ZBBX: variants seen among roughly 807,000 people sequenced by gnomAD.
ZBBX encodes the protein zinc finger B-box domain containing.
In ZBBX, 101 loss-of-function variants were observed where a neutral mutation model predicts 108.5. That is an observed-to-expected ratio of 0.93 (90% confidence interval 0.79 to 1.10). The LOEUF (loss-of-function observed/expected upper bound fraction) is 1.10, where lower values mean the gene tolerates loss of function less well. Among genes scored for constraint, ZBBX ranks in the 50% least tolerant of loss-of-function variants. The pLI is 0.00. For missense variants in ZBBX, 1,009 were observed against 941.4 expected (o/e 1.07, Z -0.94); for synonymous variants, 356 against 323.4 (o/e 1.10, Z -1.08).
At chr3:167,394,015 T>C (rs1423908528) in intron 1 of ZBBX, among the ~76,000 whole-genome samples, 3 of 151,964 alleles carry the variant, frequency 2.0e-5, no homozygotes, top group Non-Finnish European at 4.4e-5. Flanking sequence ...AGAATATATA[T>C]TTTATCCAGA....
chr3:167,197,270 G>A, the ZBBX span, among the ~76,000 whole-genome samples: 2 of 151,974 alleles, frequency 1.3e-5, no homozygotes, highest in Non-Finnish European at 2.9e-5. Flanking sequence ...TGGGCACGGT[G>A]GCTCACGCCT....
chr3:167,348,805 T>C (rs1364366210), intron 9 of ZBBX, among the ~76,000 whole-genome samples: 2 of 152,114 alleles, frequency 1.3e-5, no homozygotes, highest in African/African-American at 4.8e-5. Context: ...CCAATCTACA[T>C]TTGGAATTTT....
At chr3:167,275,707 T>C (rs58787554) in intron 20 of ZBBX, among the ~76,000 whole-genome samples, 60,174 of 151,822 alleles carry the variant, frequency 0.4, 12,504 homozygotes, top group East Asian at 0.73. Context: ...GGGGGAGGGG[T>C]GCCCGCCATT....
intron 1 of ZBBX, among the ~76,000 whole-genome samples, chr3:167,391,903 T>C: frequency 6.6e-6 from 1 of 151,946 alleles, no homozygotes; most frequent in East Asian, 1.9e-4. Context: ...GACTTATCTA[T>C]ATCTACAATC....
Position 167,240,853 on chromosome 3 carries a change from C to T in ZBBX, c.2460G>A (p.Glu820=). ...GTTGCTTGTTGAGAAAATCTTCCTC[C>T]TCCTCATCTGTACTGCTCTCAGAAA... The part of the protein sequence containing the change: ...LSLSESSTDE[E]EEDFLNKQHV... The change falls in exon 22 of 22, where the codon GAG becomes GAA. Residue 820 remains glutamate, a synonymous_variant. Coordinates refer to ENST00000675490, the MANE Select transcript of ZBBX (RefSeq NM_001199201.2). 6.2e-7 allele frequency: 1 copy of T among 1,613,638 alleles called. No homozygotes were observed. The highest frequency in any genetic ancestry group is 8.5e-7 in the Non-Finnish European group (1 of 1,179,634).
intron 20 of ZBBX, among the ~76,000 whole-genome samples, chr3:167,250,708 A>C (rs529576946): frequency 1.3e-5 from 2 of 152,090 alleles, no homozygotes; most frequent in Non-Finnish European, 2.9e-5. Flanking sequence ...GTCACAGTCC[A>C]TATTCTAAAG....
chr3:167,325,116 T>C (rs889863861), intron 11 of ZBBX, among the ~76,000 whole-genome samples: 1 of 152,176 alleles, frequency 6.6e-6, no homozygotes, highest in Non-Finnish European at 1.5e-5. Context: ...AATCTAACAC[T>C]GTTAAATGTC....
the ZBBX span, among the ~76,000 whole-genome samples, chr3:167,209,491 A>G: frequency 6.6e-6 from 1 of 152,184 alleles, no homozygotes; most frequent in East Asian, 1.9e-4. Context: ...CCACCAAGGC[A>G]GTACCTCTAT....
chr3:167,240,619 G>T lies in ZBBX; in HGVS notation c.*174C>A. ...GTGGTTGACATATAATATATCATTG[G>T]AAGAATAAGCCCTTGAACTTATAAT... On this transcript the variant is annotated 3_prime_UTR_variant, in exon 22 of 22. Coordinates refer to ENST00000675490, the MANE Select transcript of ZBBX (RefSeq NM_001199201.2). 2 of 591,554 alleles carry T rather than the reference G, an allele frequency of 3.4e-6. No homozygotes were observed. The highest frequency in any genetic ancestry group is 2.8e-6 in the Non-Finnish European group (1 of 357,272). The allele number at this position is 591,554 out of a possible 1,614,324, so 36.6% of individuals were successfully genotyped here. A position where few individuals can be genotyped will look rare whatever the true frequency, so the allele number is the denominator to read the frequency against.
At chr3:167,404,805 T>C (rs1287929106) in intron 1 of ZBBX, among the ~76,000 whole-genome samples, 1 of 152,194 alleles carries the variant, frequency 6.6e-6, no homozygotes, top group Non-Finnish European at 1.5e-5. Flanking sequence ...TCTGGTGGCA[T>C]TGTCAAAAAG....
At chr3:167,393,586 G>A (rs115166729) in intron 1 of ZBBX, among the ~76,000 whole-genome samples, 2,868 of 151,840 alleles carry the variant, frequency 0.019, 99 homozygotes, top group African/African-American at 0.066. Context: ...TTTTCTTCAC[G>A]TACTTGTGAT....
At chr3:167,247,668 G>A (rs1243315394) in intron 20 of ZBBX, among the ~76,000 whole-genome samples, 1 of 152,178 alleles carries the variant, frequency 6.6e-6, no homozygotes, top group East Asian at 1.9e-4. Context: ...CTGTCGTTAA[G>A]TGTCTATCTG....
intron 20 of ZBBX, among the ~76,000 whole-genome samples, chr3:167,267,323 G>A (rs1725700372): frequency 6.6e-6 from 1 of 152,162 alleles, no homozygotes; most frequent in Non-Finnish European, 1.5e-5. Flanking sequence ...TAAAGGATAG[G>A]CAAGAGATTC....
At chr3:167,372,804 C>T in intron 4 of ZBBX, 30 bp downstream of exon 4, 2 of 1,153,764 alleles carry the variant, frequency 1.7e-6, no homozygotes, top group Non-Finnish European at 2.5e-6. Flanking sequence ...GCAACTATTC[C>T]TATTAAGAAA....
chr3:167,317,177 G>T lies in ZBBX; in HGVS notation c.1094-72C>A, dbSNP rs1447390869. On this transcript the variant is annotated intron_variant, in intron 13 of 21. Transcript: ENST00000675490. ...CTTTATAATTTCTTCAAATAAGATAGCCACCAAAAAAGAAGAGTGTTCTCA... is the reference window on the plus strand; with the variant it reads ...CTTTATAATTTCTTCAAATAAGATATCCACCAAAAAAGAAGAGTGTTCTCA... The T allele has an allele frequency of 4.8e-6, 5 of 1,048,930 alleles. No individual in the cohort carries two copies. In the African/African-American group the frequency reaches 4.9e-5, roughly 10 times the overall value. The allele number at this position is 1,048,930 out of a possible 1,614,324, so 65.0% of individuals were successfully genotyped here.
chr3:167,256,179 G>A (rs1219190621), intron 20 of ZBBX, among the ~76,000 whole-genome samples: 1 of 152,098 alleles, frequency 6.6e-6, no homozygotes, highest in Non-Finnish European at 1.5e-5. Flanking sequence ...TTATGTATAT[G>A]TACCACATTT....
At chr3:167,252,542 A>G (rs1722792181) in intron 20 of ZBBX, among the ~76,000 whole-genome samples, 1 of 150,982 alleles carries the variant, frequency 6.6e-6, no homozygotes. Flanking sequence ...TCTCAGAGTG[A>G]CCGTATTCAT....
In ZBBX at chr3:167,322,251, C is replaced by A; in HGVS notation, c.863-14G>T. 1 of 1,437,968 alleles carries A rather than the reference C, an allele frequency of 7.0e-7. No individual in the cohort carries two copies. Among genetic ancestry groups the A allele is most frequent in the East Asian group, 2.7e-5 (1 of 37,644 alleles). 89.1% of individuals were successfully genotyped at this position (1,437,968 alleles called of 1,614,324 possible). Reference sequence around the variant, plus strand: ...CTTCCAATGAGTCTGTAAAAATAAACACAATGTGCATAATTAAAATAAGCA... The same window carrying A: ...CTTCCAATGAGTCTGTAAAAATAAAAACAATGTGCATAATTAAAATAAGCA... On this transcript the variant is annotated splice_polypyrimidine_tract_variant and intron_variant, in intron 11 of 21. Coordinates refer to ENST00000675490, the MANE Select transcript of ZBBX (RefSeq NM_001199201.2).
the ZBBX span, among the ~76,000 whole-genome samples, chr3:167,191,922 T>TAGAGAG: frequency 9.7e-5 from 12 of 123,972 alleles, no homozygotes; most frequent in African/African-American, 3.6e-4. Flanking sequence ...TATATATATA[T>TAGAGAG]ATATATATAT....
Sources: allele counts gnomAD v4.1 joint callset (sites outside exome capture counted in the v4.1 genomes callset), GRCh38; gene constraint gnomAD v4.1.1; transcripts MANE v1.5; gene names NCBI Gene and HGNC (gene_info 2026-07-23, HGNC 2026-07-21).